Variants in CMIP observed in about 807,000 individuals in gnomAD.
CMIP encodes the protein C-Maf-inducing protein.
CMIP carries 13 observed loss-of-function variants against 97.3 expected under a neutral mutation model. The observed-to-expected ratio is 0.13, with a 90% CI of 0.09 to 0.21. The LOEUF (loss-of-function observed/expected upper bound fraction) is 0.21, where lower values mean the gene tolerates loss of function less well. Ranked by LOEUF, CMIP falls within the 10% of genes least tolerant of loss-of-function variation. The pLI is 1.00. For synonymous variants in CMIP, 538 were observed against 436.3 expected, an observed-to-expected ratio of 1.23 and a Z score of -2.91; for missense variants, 847 against 1,024.9, an observed-to-expected ratio of 0.83 and a Z score of 2.37.
intron 6 of CMIP, among the ~76,000 whole-genome samples, chr16:81,663,164 C>T (rs1048038822): frequency 3.3e-5 from 5 of 151,980 alleles, no homozygotes; most frequent in African/African-American, 1.2e-4. Flanking sequence ...TTCAACACAC[C>T]TGTCCACACA....
intron 9 of CMIP, among the ~76,000 whole-genome samples, chr16:81,676,777 C>A (rs894911680): frequency 6.6e-6 from 1 of 152,224 alleles, no homozygotes; most frequent in African/African-American, 2.4e-5. Context: ...CTGCACACAG[C>A]CCTTGGAGGG....
chr16:81,677,395 G>T (rs946628810), intron 9 of CMIP, among the ~76,000 whole-genome samples: 81 of 152,318 alleles, frequency 5.3e-4, no homozygotes, highest in African/African-American at 1.8e-3. Context: ...ACTGTTCAGT[G>T]ATGTGTTTGA....
chr16:81,528,281 T>C (rs954046959), intron 1 of CMIP, among the ~76,000 whole-genome samples: 2 of 152,296 alleles, frequency 1.3e-5, no homozygotes, highest in Middle Eastern at 3.4e-3. Flanking sequence ...GTGAAGACTT[T>C]TTTTTTTCAT....
intron 15 of CMIP, among the ~76,000 whole-genome samples, chr16:81,701,385 G>A (rs1907383492): frequency 6.6e-6 from 1 of 152,158 alleles, no homozygotes; most frequent in African/African-American, 2.4e-5. Flanking sequence ...CCGGGGGCCT[G>A]CCCCATGTCC....
chr16:81,462,696 G>C (rs1277475196), intron 1 of CMIP, among the ~76,000 whole-genome samples: 1 of 152,070 alleles, frequency 6.6e-6, no homozygotes, highest in Non-Finnish European at 1.5e-5. Context: ...GGCACTTCTT[G>C]CCCCTAAAAT....
At chr16:81,506,212 C>T (rs189939814) in intron 1 of CMIP, among the ~76,000 whole-genome samples, 3 of 152,210 alleles carry the variant, frequency 2.0e-5, no homozygotes, top group East Asian at 1.9e-4. Context: ...TAGAAACTGG[C>T]GAAGCTGATT....
At chr16:81,489,634 C>T (rs1241529838) in intron 1 of CMIP, among the ~76,000 whole-genome samples, 11 of 152,250 alleles carry the variant, frequency 7.2e-5, no homozygotes, top group Admixed American at 7.2e-4. Context: ...TCCCAGGACC[C>T]AGCTGTGGGA....
chr16:81,540,643 A>T (rs377355408), intron 1 of CMIP, among the ~76,000 whole-genome samples: 7 of 141,872 alleles, frequency 4.9e-5, no homozygotes, highest in South Asian at 2.3e-4. Flanking sequence ...TCTTGTTTTG[A>T]GTGTGTGTGT....
rs540165008 is a variant in CMIP, at chr16:81,459,646, A to T, written c.300+14105A>T. On this transcript the variant is annotated intron_variant, in intron 1 of 20. Coordinates refer to ENST00000537098, the MANE Select transcript of CMIP (RefSeq NM_198390.3). ...TTCTAAACGATATTGCCCCTGACGC[A>T]TGCACTGCCTCTGACTGGTGGCCTC... Among the ~76,000 whole-genome samples the T allele has an allele frequency of 3.3e-5, 5 of 152,370 alleles. No individual in the cohort carries two copies. In the South Asian group the frequency reaches 1.0e-3, roughly 32 times the overall value.
At chr16:81,568,431 C>T (rs974381865) in intron 1 of CMIP, among the ~76,000 whole-genome samples, 5 of 152,128 alleles carry the variant, frequency 3.3e-5, no homozygotes, top group African/African-American at 9.7e-5. Context: ...GTCCGTGGGC[C>T]GTGTGTCTCC....
At chr16:81,506,460 A>G (rs1486293673) in intron 1 of CMIP, among the ~76,000 whole-genome samples, 1 of 152,138 alleles carries the variant, frequency 6.6e-6, no homozygotes, top group African/African-American at 2.4e-5. Flanking sequence ...ATTGCAATTT[A>G]TTGTTTTTTA....
intron 1 of CMIP, among the ~76,000 whole-genome samples, chr16:81,488,734 C>G (rs1157703513): frequency 2.0e-5 from 3 of 152,172 alleles, no homozygotes; most frequent in Admixed American, 2.0e-4. Flanking sequence ...CACAGAACCT[C>G]TGTACTCCTC....
intron 1 of CMIP, among the ~76,000 whole-genome samples, chr16:81,502,949 G>A (rs1176038952): frequency 6.6e-6 from 1 of 152,120 alleles, no homozygotes; most frequent in Non-Finnish European, 1.5e-5. Flanking sequence ...CATCCATCAC[G>A]CCCTGTCTCT....
At chr16:81,487,480 G>C (rs1567540066) in intron 1 of CMIP, among the ~76,000 whole-genome samples, 1 of 152,200 alleles carries the variant, frequency 6.6e-6, no homozygotes, top group Non-Finnish European at 1.5e-5. Context: ...GGCCTGCCAA[G>C]CGGGCCGGCT....
intron 20 of CMIP, among the ~76,000 whole-genome samples, chr16:81,707,564 G>A (rs1233198259): frequency 6.6e-6 from 1 of 152,244 alleles, no homozygotes; most frequent in Non-Finnish European, 1.5e-5. Context: ...TATTTTGAGA[G>A]GGAGCAGGAG....
intron 13 of CMIP, among the ~76,000 whole-genome samples, chr16:81,694,025 C>T (rs980205047): frequency 6.6e-6 from 1 of 152,236 alleles, no homozygotes; most frequent in African/African-American, 2.4e-5. Flanking sequence ...CAGCCTGTAG[C>T]CCTGGGCCCG....
At chr16:81,526,116 C>A (rs2090129880) in intron 1 of CMIP, among the ~76,000 whole-genome samples, 1 of 152,056 alleles carries the variant, frequency 6.6e-6, no homozygotes, top group Non-Finnish European at 1.5e-5. Context: ...ATATAAGTAT[C>A]TTTTTGCATC....
chr16:81,536,007 T>C (rs1289899035), intron 1 of CMIP, among the ~76,000 whole-genome samples: 2 of 152,174 alleles, frequency 1.3e-5, no homozygotes, highest in African/African-American at 2.4e-5. Flanking sequence ...AAGGGACCTC[T>C]TGTCTGCTGT....
chr16:81,578,972 G>C lies in CMIP; in HGVS notation c.301-28595G>C, dbSNP rs113059798. ...CAGCAGAGGGAACACTGGACTAAGA[G>C]TCAGGAGACACAGTTCCAGATCTAG... On this transcript the variant is annotated intron_variant, in intron 1 of 20. Coordinates refer to ENST00000537098, the MANE Select transcript of CMIP (RefSeq NM_198390.3). Among the ~76,000 whole-genome samples the C allele has an allele frequency of 3.0e-4, 46 of 152,364 alleles. 1 individual carries two copies. The highest frequency in any genetic ancestry group is 1.1e-3 in the African/African-American group (45 of 41,592).
Sources: gnomAD v4.1 joint callset for allele counts (sites outside exome capture counted in the v4.1 genomes callset) on GRCh38, gnomAD v4.1.1 for gene constraint, MANE v1.5 for transcripts, NCBI Gene and HGNC (gene_info 2026-07-23, HGNC 2026-07-21) for gene names.